The following ZNF892 variants were observed in gnomAD, a reference collection of about 807,000 sequenced individuals.
The protein encoded by ZNF892 is zinc finger protein 892, also known as zinc finger protein 570-like.
chr2:95,215,933 T>G, the ZNF892 span, among the ~76,000 whole-genome samples: 1 of 152,196 alleles, frequency 6.6e-6, no homozygotes, highest in Non-Finnish European at 1.5e-5. Context: ...TTCATAATAC[T>G]AACAATATAA....
At chr2:95,214,424 A>G in the ZNF892 span, 1 of 398,538 alleles carries the variant, frequency 2.5e-6, no homozygotes, top group East Asian at 3.6e-5. Context: ...TAATTGTAAG[A>G]TTTTCAAAGG....
the ZNF892 span, among the ~76,000 whole-genome samples, chr2:95,243,885 T>C: frequency 2.0e-5 from 3 of 151,920 alleles, no homozygotes; most frequent in Non-Finnish European, 2.9e-5. Flanking sequence ...ACAATGGCGG[T>C]TTTGTGGAAT....
the ZNF892 span, among the ~76,000 whole-genome samples, chr2:95,222,147 A>G: frequency 1.3e-5 from 2 of 152,114 alleles, no homozygotes; most frequent in African/African-American, 4.8e-5. Flanking sequence ...CATTGAGTAT[A>G]AAGGCTTTGA....
the ZNF892 span, among the ~76,000 whole-genome samples, chr2:95,256,758 G>A: frequency 6.6e-6 from 1 of 152,138 alleles, no homozygotes; most frequent in East Asian, 1.9e-4. Context: ...TTTCTTGGAG[G>A]CTTTGTTCAT....
At chr2:95,210,609 T>C in the ZNF892 span, among the ~76,000 whole-genome samples, 15 of 152,200 alleles carry the variant, frequency 9.9e-5, no homozygotes, top group Admixed American at 1.3e-4. Context: ...ATGCACACGT[T>C]TATAGAACAC....
At chr2:95,240,737 G>A in the ZNF892 span, among the ~76,000 whole-genome samples, 1 of 152,206 alleles carries the variant, frequency 6.6e-6, no homozygotes, top group Non-Finnish European at 1.5e-5. Context: ...AACAGCAACT[G>A]GCTGGAGTCT....
chr2:95,254,350 T>C, the ZNF892 span, among the ~76,000 whole-genome samples: 2 of 152,240 alleles, frequency 1.3e-5, no homozygotes, highest in Admixed American at 1.3e-4. Flanking sequence ...ATGTGGTTTT[T>C]GTTGTTGGTT....
At chr2:95,246,708 A>G in the ZNF892 span, among the ~76,000 whole-genome samples, 2 of 152,204 alleles carry the variant, frequency 1.3e-5, no homozygotes, top group Non-Finnish European at 2.9e-5. Flanking sequence ...ATTCATATAC[A>G]CCAACAACAG....
At chr2:95,215,241 G>T in the ZNF892 span, 1 of 467,198 alleles carries the variant, frequency 2.1e-6, no homozygotes, top group Non-Finnish European at 3.8e-6. Flanking sequence ...CTACTGCTCA[G>T]CCCTGACTCA....
At chr2:95,227,643 T>C in the ZNF892 span, among the ~76,000 whole-genome samples, 1 of 151,666 alleles carries the variant, frequency 6.6e-6, no homozygotes, top group Non-Finnish European at 1.5e-5. Context: ...AGAGACAGGG[T>C]CTCTGCTCTG....
the ZNF892 span, among the ~76,000 whole-genome samples, chr2:95,231,875 G>A: frequency 6.6e-6 from 1 of 152,140 alleles, no homozygotes; most frequent in Admixed American, 6.5e-5. Flanking sequence ...AGGAGACCCT[G>A]GTGCTCTCTG....
chr2:95,240,537 T>C, the ZNF892 span, among the ~76,000 whole-genome samples: 1 of 152,136 alleles, frequency 6.6e-6, no homozygotes, highest in African/African-American at 2.4e-5. Context: ...AAGCAGCAAC[T>C]CAGGCATACA....
chr2:95,244,474 A>G, the ZNF892 span, among the ~76,000 whole-genome samples: 1 of 152,214 alleles, frequency 6.6e-6, no homozygotes, highest in East Asian at 1.9e-4. Context: ...ATGGTAACGC[A>G]TTCAATTAAA....
the ZNF892 span, chr2:95,207,654 T>C: frequency 2.5e-6 from 1 of 395,234 alleles, no homozygotes; most frequent in Non-Finnish European, 4.5e-6. Context: ...CATCCCCTTT[T>C]AATCTGAGTG....
At chr2:95,253,084 A>C in the ZNF892 span, among the ~76,000 whole-genome samples, 1 of 152,220 alleles carries the variant, frequency 6.6e-6, no homozygotes, top group East Asian at 1.9e-4. Context: ...GAAGCTCTTT[A>C]GTTTAATTAG....
the ZNF892 span, among the ~76,000 whole-genome samples, chr2:95,246,609 C>T: frequency 6.6e-6 from 1 of 152,128 alleles, no homozygotes; most frequent in South Asian, 2.1e-4. Context: ...TCTAGAAAAC[C>T]CCATCATCTT....
chr2:95,227,435 C>G, the ZNF892 span, among the ~76,000 whole-genome samples: 2 of 151,782 alleles, frequency 1.3e-5, no homozygotes, highest in Admixed American at 1.3e-4. Context: ...GTGATTCTCC[C>G]ACCTCAGCCT....
chr2:95,229,310 T>C, the ZNF892 span, among the ~76,000 whole-genome samples: 2 of 152,216 alleles, frequency 1.3e-5, no homozygotes, highest in African/African-American at 4.8e-5. Context: ...GTAACATGTA[T>C]AGATCTTCAG....
At chr2:95,224,582 C>T in the ZNF892 span, among the ~76,000 whole-genome samples, 2 of 152,072 alleles carry the variant, frequency 1.3e-5, no homozygotes, top group Non-Finnish European at 2.9e-5. Context: ...CATGAGAACT[C>T]TTATCACAAG....
Sources: allele counts gnomAD v4.1 joint callset (sites outside exome capture counted in the v4.1 genomes callset), GRCh38; gene constraint gnomAD v4.1.1; transcripts MANE v1.5; gene names NCBI Gene and HGNC (gene_info 2026-07-23, HGNC 2026-07-21).